Variants in LPIN2 observed in about 807,000 individuals in gnomAD.
LPIN2 encodes the protein lipin 2.
A neutral mutation model predicts 111.4 loss-of-function variants in LPIN2; 55 were observed. The ratio of observed to expected loss-of-function variants is 0.49; its 90% confidence interval spans 0.40 to 0.62. The LOEUF (loss-of-function observed/expected upper bound fraction) is 0.62, where lower values mean the gene tolerates loss of function less well. Ranked by LOEUF, LPIN2 falls within the 20% of genes least tolerant of loss-of-function variation. LPIN2 has a pLI of 0.00. For synonymous variants in LPIN2, 425 were observed against 414.0 expected (o/e 1.03, Z -0.32); for missense variants, 992 against 1,112.1 (o/e 0.89, Z 1.54).
chr18:2,958,742 C>T (rs916282536), intron 2 of LPIN2, among the ~76,000 whole-genome samples: 5 of 152,056 alleles, frequency 3.3e-5, no homozygotes, highest in Non-Finnish European at 5.9e-5. Context: ...AGTAACACAA[C>T]GATTGTGTAG....
chr18:2,996,467 CTTTTTTTTTTTTTTT>C (rs1179106649), intron 1 of LPIN2, among the ~76,000 whole-genome samples: 1 of 84,996 alleles, frequency 1.2e-5, no homozygotes, highest in African/African-American at 4.5e-5. Context: ...AGGAAAATAT[CTTTTTTTTTTTTTTT>C]TTTTTTTTTT....
chr18:3,012,686 C>T (rs936468334), intron 1 of LPIN2, among the ~76,000 whole-genome samples: 1 of 152,172 alleles, frequency 6.6e-6, no homozygotes, highest in Non-Finnish European at 1.5e-5. Flanking sequence ...CGCGCGCCTT[C>T]CGCACTCCCC....
chr18:2,933,407 T>G (rs2144172841), intron 8 of LPIN2, among the ~76,000 whole-genome samples: 1 of 152,314 alleles, frequency 6.6e-6, no homozygotes, highest in South Asian at 2.1e-4. Flanking sequence ...ACAGCTTATA[T>G]TTGAACTTTC....
chr18:2,931,586 T>C, intron 8 of LPIN2, 143 bp from the exon 9 acceptor site: 1 of 762,748 alleles, frequency 1.3e-6, no homozygotes, highest in Admixed American at 2.0e-5. Flanking sequence ...ATAACTTTTC[T>C]TAGATAGGGT....
chr18:2,998,570 A>C (rs572770450), intron 1 of LPIN2, among the ~76,000 whole-genome samples: 2 of 152,284 alleles, frequency 1.3e-5, no homozygotes, highest in Admixed American at 1.3e-4. Flanking sequence ...GACAACTATT[A>C]TAAAGGAAAT....
chr18:2,973,465 C>T (rs1207908623), intron 1 of LPIN2, among the ~76,000 whole-genome samples: 4 of 152,208 alleles, frequency 2.6e-5, no homozygotes, highest in African/African-American at 9.7e-5. Flanking sequence ...ATTCTGGCTT[C>T]TTTAGCTTAG....
chr18:2,959,022 C>T (rs2077666409), intron 2 of LPIN2, among the ~76,000 whole-genome samples: 1 of 152,090 alleles, frequency 6.6e-6, no homozygotes, highest in Admixed American at 6.5e-5. Context: ...TGCCAATTCC[C>T]CCAGAACAGG....
At position 2,921,437 on chromosome 18, in the gene LPIN2, A is replaced by G. The variant is rs900798454; in HGVS notation, c.2442+96T>C. ...AGAACAGATGCCTCATTTTGCTTAC[A>G]AAACTGCTTTGAGAATTGGGACGTG... On this transcript the variant is annotated intron_variant, in intron 18 of 19. Coordinates refer to ENST00000677752, the MANE Select transcript of LPIN2 (RefSeq NM_001375808.2). 1.6e-5 allele frequency: 15 copies of G among 940,540 alleles called. No individual in the cohort carries two copies. In the African/African-American group the frequency reaches 2.3e-4, roughly 14 times the overall value. The allele number at this position is 940,540 out of a possible 1,614,324, so 58.3% of individuals were successfully genotyped here.
chr18:2,958,574 T>C (rs2077659683), intron 2 of LPIN2, among the ~76,000 whole-genome samples: 1 of 152,204 alleles, frequency 6.6e-6, no homozygotes, highest in African/African-American at 2.4e-5. Context: ...TTTTCAGTTT[T>C]CTCACAGGAA....
intron 4 of LPIN2, chr18:2,946,167 A>G: frequency 6.2e-7 from 1 of 1,610,280 alleles, no homozygotes; most frequent in Non-Finnish European, 8.5e-7. Flanking sequence ...TGTTTTAGGG[A>G]GGCAGATATT....
At chr18:3,011,801 C>CT (rs1414578367) in intron 1 of LPIN2, 1 of 152,332 alleles carries the variant, frequency 6.6e-6, no homozygotes, top group African/African-American at 2.4e-5. Flanking sequence ...TTTTTCTTCT[C>CT]TGGCTGGGTA....
intron 4 of LPIN2, chr18:2,950,485 G>GAAGAAAACGGAATCTTGAAT (rs1389622812): frequency 6.4e-6 from 1 of 156,786 alleles, no homozygotes; most frequent in Non-Finnish European, 1.4e-5. Context: ...GCAACAGGTG[G>GAAGAAAACGGAATCTTGAAT]AAGAAAACGG....
intron 1 of LPIN2, among the ~76,000 whole-genome samples, chr18:2,961,208 T>C (rs1598572396): frequency 6.6e-6 from 1 of 152,188 alleles, no homozygotes; most frequent in Non-Finnish European, 1.5e-5. Flanking sequence ...CAAGACCCTT[T>C]GGAACCTGCG....
intron 1 of LPIN2, among the ~76,000 whole-genome samples, chr18:2,981,146 GA>G (rs2078104275): frequency 1.3e-5 from 2 of 152,110 alleles, no homozygotes; most frequent in African/African-American, 4.8e-5. Flanking sequence ...TTTCAAAACT[GA>G]AACTGTCACC....
chr18:2,944,279 C>CT (rs1294864604), intron 4 of LPIN2, among the ~76,000 whole-genome samples: 1 of 141,110 alleles, frequency 7.1e-6, no homozygotes, highest in Non-Finnish European at 1.5e-5. Flanking sequence ...ATGTAATAGT[C>CT]ATAAAGCAAC....
At chr18:2,933,215 T>G (rs1439024675) in intron 8 of LPIN2, among the ~76,000 whole-genome samples, 1 of 152,218 alleles carries the variant, frequency 6.6e-6, no homozygotes, top group Non-Finnish European at 1.5e-5. Context: ...GGTAAGAAGC[T>G]TACTTAGTGC....
chr18:2,945,371 A>G (rs1598551486), intron 4 of LPIN2, among the ~76,000 whole-genome samples: 1 of 152,232 alleles, frequency 6.6e-6, no homozygotes, highest in East Asian at 1.9e-4. Flanking sequence ...AACACGAAAG[A>G]AAGATGAGAG....
chr18:2,921,334 C>A lies in LPIN2; in HGVS notation c.2442+199G>T, dbSNP rs1050138874. On this transcript the variant is annotated intron_variant, in intron 18 of 19. Transcript: ENST00000677752. ...TGGAAAAGCGTCCTTCGTATAAATT[C>A]TGGGGCAGATCTGCACCTGCAGGAC... 6.4e-6 allele frequency: 4 copies of A among 624,416 alleles called. No homozygotes were observed. In the African/African-American group the frequency reaches 7.4e-5, roughly 12 times the overall value. The allele number at this position is 624,416 out of a possible 1,614,324, so 38.7% of individuals were successfully genotyped here. A position where few individuals can be genotyped will look rare whatever the true frequency, so the allele number is the denominator to read the frequency against.
chr18:2,965,298 T>C (rs777408521), intron 1 of LPIN2, among the ~76,000 whole-genome samples: 67 of 152,170 alleles, frequency 4.4e-4, no homozygotes, highest in Non-Finnish European at 5.3e-4. Flanking sequence ...TATTTTAAGG[T>C]ATAAAAGGAC....
Sources: allele counts gnomAD v4.1 joint callset (sites outside exome capture counted in the v4.1 genomes callset), GRCh38; gene constraint gnomAD v4.1.1; transcripts MANE v1.5; gene names NCBI Gene and HGNC (gene_info 2026-07-23, HGNC 2026-07-21).